Variants in SLC5A8 observed in about 807,000 individuals in gnomAD.
The protein encoded by SLC5A8 is solute carrier family 5 member 8.
Under a neutral mutation model 71.9 loss-of-function variants are expected in SLC5A8, and 55 were observed. That is an observed-to-expected ratio of 0.77 (90% CI 0.62 to 0.96). SLC5A8 has a LOEUF of 0.96. SLC5A8 is among the 40% of genes least tolerant of loss of function. SLC5A8 has a pLI of 0.00. For missense variants in SLC5A8, 701 were observed against 745.3 expected (o/e 0.94, Z 0.69); for synonymous variants, 307 against 276.1 (o/e 1.11, Z -1.11).
intron 10 of SLC5A8, among the ~76,000 whole-genome samples, chr12:101,177,442 T>TACACACACACACAC (rs1491440045): frequency 3.7e-5 from 5 of 133,438 alleles, no homozygotes; most frequent in Admixed American, 1.5e-4. Flanking sequence ...AAAGGCAGTA[T>TACACACACACACAC]ATACACACAC....
intron 6 of SLC5A8, 146 bp downstream of exon 6, chr12:101,190,322 G>T (rs1868839050): frequency 3.6e-6 from 3 of 823,136 alleles, no homozygotes; most frequent in South Asian, 1.9e-5. Flanking sequence ...ATTTGTTCTT[G>T]GTCCTTTTGT....
At chr12:101,160,594 T>C (rs2051714920) in intron 13 of SLC5A8, among the ~76,000 whole-genome samples, 1 of 151,948 alleles carries the variant, frequency 6.6e-6, no homozygotes, top group African/African-American at 2.4e-5. Context: ...ATGTAGGGAG[T>C]CAGGGAGCCC....
intron 3 of SLC5A8, among the ~76,000 whole-genome samples, chr12:101,200,645 G>C (rs1869420752): frequency 6.6e-6 from 1 of 151,922 alleles, no homozygotes; most frequent in African/African-American, 2.4e-5. Context: ...GTATGATTAT[G>C]GTTTTTAAAG....
intron 13 of SLC5A8, among the ~76,000 whole-genome samples, chr12:101,160,135 T>A (rs2051710931): frequency 6.6e-6 from 1 of 152,064 alleles, no homozygotes; most frequent in African/African-American, 2.4e-5. Context: ...TGAGCCAAGA[T>A]CGCACCACTG....
At chr12:101,171,044 A>G (rs2051825141) in intron 10 of SLC5A8, among the ~76,000 whole-genome samples, 1 of 152,132 alleles carries the variant, frequency 6.6e-6, no homozygotes, top group Non-Finnish European at 1.5e-5. Flanking sequence ...GTCGTGGGCC[A>G]GATTTAGTCA....
chr12:101,194,957 C>CAA, intron 4 of SLC5A8, 138 bp downstream of exon 4: 1 of 738,856 alleles, frequency 1.4e-6, no homozygotes, highest in Middle Eastern at 2.4e-4. Flanking sequence ...ATTTCTCACA[C>CAA]AAAAAAAGTT....
chr12:101,166,789 G>T, intron 11 of SLC5A8, 90 bp from the exon 12 acceptor site: 1 of 1,193,120 alleles, frequency 8.4e-7, no homozygotes, highest in Non-Finnish European at 1.2e-6. Context: ...AACATGGCAC[G>T]AAATTATAAA....
intron 14 of SLC5A8, 99 bp downstream of exon 14, chr12:101,158,150 G>A: frequency 1.2e-6 from 1 of 845,720 alleles, no homozygotes; most frequent in South Asian, 1.4e-5. Flanking sequence ...TACCTTCCTT[G>A]TCCATCACTT....
chr12:101,203,131 T>C (rs1869528851), intron 2 of SLC5A8, among the ~76,000 whole-genome samples: 2 of 152,222 alleles, frequency 1.3e-5, no homozygotes, highest in South Asian at 4.1e-4. Context: ...TCTGTTGGCA[T>C]CTCTAACAAA....
chr12:101,195,143 C>T lies in SLC5A8; in HGVS notation c.489G>A (p.Trp163Ter). Reference protein sequence around the residue: ...ALNQVTGFDLWGAVVATGVVC... With the variant: ...ALNQVTGFDL ...CCACCCCCGTTGCCACTACCGCGCC[C>T]CACAGATCAAATCCTGTGACTGTAG... The change falls in exon 4 of 15, where the codon TGG (tryptophan) becomes TGA (stop). Residue 163 changes from tryptophan (W) to a stop codon, truncating the protein, a stop_gained. Coordinates refer to ENST00000536262, the MANE Select transcript of SLC5A8 (RefSeq NM_145913.5). LOFTEE classifies it high-confidence loss of function. 6.2e-7 allele frequency: 1 copy of T among 1,614,054 alleles called. No homozygotes were observed.
At chr12:101,199,611 G>T (rs1356053298) in intron 3 of SLC5A8, among the ~76,000 whole-genome samples, 4 of 151,746 alleles carry the variant, frequency 2.6e-5, no homozygotes, top group Non-Finnish European at 5.9e-5. Flanking sequence ...AAAATAATAG[G>T]TAATACCCAC....
At chr12:101,158,485 G>A (rs932065797) in intron 13 of SLC5A8, among the ~76,000 whole-genome samples, 157 bp from the exon 14 acceptor site, 24 of 148,870 alleles carry the variant, frequency 1.6e-4, no homozygotes, top group Non-Finnish European at 3.1e-4. Flanking sequence ...TGATCACTTA[G>A]CCCGCAATTC....
In SLC5A8 at chr12:101,156,257, A is replaced by G. The variant is rs1314706401; in HGVS notation, c.*1022T>C. The G allele has an allele frequency of 1.3e-5, 2 of 152,230 alleles. No homozygotes were observed. Among genetic ancestry groups the G allele is most frequent in the African/African-American group, 4.8e-5 (2 of 41,466 alleles). 9.4% of individuals were successfully genotyped at this position (152,230 alleles called of 1,614,324 possible). A position where few individuals can be genotyped will look rare whatever the true frequency, so the allele number is the denominator to read the frequency against. On this transcript the variant is annotated 3_prime_UTR_variant, in exon 15 of 15. Coordinates refer to ENST00000536262, the MANE Select transcript of SLC5A8 (RefSeq NM_145913.5). ...TTTAATTGATTGCAAATTAGTTGAC[A>G]TTCAAAAGTTCAACTTAATAGCATT...
chr12:101,194,761 GC>G (rs1869087969), intron 4 of SLC5A8, among the ~76,000 whole-genome samples: 1 of 152,168 alleles, frequency 6.6e-6, no homozygotes, highest in Admixed American at 6.5e-5. Flanking sequence ...ACAGGTGGGA[GC>G]CACTGTGCCT....
chr12:101,166,521 C>T lies in SLC5A8; in HGVS notation c.1499G>A (p.Ser500Asn). 2 of 1,613,614 alleles carry T rather than the reference C, an allele frequency of 1.2e-6. No homozygotes were observed. Among genetic ancestry groups the T allele is most frequent in the Non-Finnish European group, 1.7e-6 (2 of 1,179,818 alleles). Residue 500 changes from serine to asparagine, a missense_variant, in exon 12 of 15, where the codon AGT (serine) becomes AAT (asparagine). Physicochemically the swap from Ser to Asn is conservative, Grantham distance 46. Transcript: ENST00000536262. ...MTTTEMPFTT[S>N]VFQIYNVQRT... ...TTGAACATTGTATATTTGAAAAACA[C>T]TAGTAGTAAATGGCATTTCTGTGGT...
chr12:101,169,797 G>C (rs2051810783), intron 10 of SLC5A8, among the ~76,000 whole-genome samples: 1 of 152,162 alleles, frequency 6.6e-6, no homozygotes, highest in South Asian at 2.1e-4. Flanking sequence ...ACTGCAGTAG[G>C]AACCAGATAT....
intron 9 of SLC5A8, among the ~76,000 whole-genome samples, chr12:101,182,312 A>G (rs1215564019): frequency 6.6e-6 from 1 of 152,210 alleles, no homozygotes; most frequent in African/African-American, 2.4e-5. Flanking sequence ...AATTTAATCT[A>G]ATCCTCTGTA....
Position 101,202,385 on chromosome 12 carries a change from G to A in SLC5A8, c.418-170C>T, listed in dbSNP as rs570066874. Among the ~76,000 whole-genome samples the A allele has an allele frequency of 9.9e-5, 15 of 152,240 alleles. No homozygotes were observed. The South Asian group carries it at 1.5e-3, about 15-fold the overall frequency. On this transcript the variant is annotated intron_variant, in intron 2 of 14. Transcript: ENST00000536262. ...GTAACTTGCAAAATATTTAAGTAAA[G>A]TTGACTCTTCTGTTTACGGTATGAC...
Position 101,157,207 on chromosome 12 carries a change from A to G in SLC5A8, c.*72T>C. The G allele has an allele frequency of 1.3e-6, 2 of 1,561,746 alleles. No homozygotes were observed. The highest frequency in any genetic ancestry group is 1.7e-6 in the Non-Finnish European group (2 of 1,149,388). On this transcript the variant is annotated 3_prime_UTR_variant, in exon 15 of 15. Transcript: ENST00000536262. ...CAACACACACACACACACAAAGAAA[A>G]CCTGATCCAATTATCTTAGAAAACA... is the stretch of plus-strand genomic sequence containing the variant.
Sources: gnomAD v4.1 joint callset for allele counts (sites outside exome capture counted in the v4.1 genomes callset) on GRCh38, gnomAD v4.1.1 for gene constraint, MANE v1.5 for transcripts, NCBI Gene and HGNC (gene_info 2026-07-23, HGNC 2026-07-21) for gene names.